ICA1L: variants seen among roughly 807,000 people sequenced by gnomAD.
ICA1L encodes islet cell autoantigen 1-like protein.
ICA1L carries 50 observed loss-of-function variants against 61.3 expected under a neutral mutation model. The observed-to-expected ratio is 0.82, with a 90% CI of 0.65 to 1.03. The LOEUF is 1.03. Among genes scored for constraint, ICA1L ranks in the 50% least tolerant of loss-of-function variants. The pLI is 0.00. For missense variants in ICA1L, 508 were observed against 556.7 expected (o/e 0.91, Z 0.88); for synonymous variants, 161 against 191.3 (o/e 0.84, Z 1.31).
chr2:202,852,807 T>C (rs1694666156), intron 1 of ICA1L, among the ~76,000 whole-genome samples: 1 of 150,696 alleles, frequency 6.6e-6, no homozygotes, highest in Non-Finnish European at 1.5e-5. Flanking sequence ...CATTTGCATT[T>C]CTCTGATGGC....
intron 5 of ICA1L, 62 bp downstream of exon 5, chr2:202,819,635 CTTAA>C (rs1693640569): frequency 1.7e-6 from 2 of 1,188,850 alleles, no homozygotes; most frequent in Non-Finnish European, 2.5e-6. Context: ...ATTTTATTAT[CTTAA>C]TTATTCTGTG....
chr2:202,835,311 T>C (rs1203031300), intron 1 of ICA1L, among the ~76,000 whole-genome samples: 1 of 149,422 alleles, frequency 6.7e-6, no homozygotes, highest in Non-Finnish European at 1.5e-5. Flanking sequence ...ATTCAAACAA[T>C]TCTCCTGCCT....
chr2:202,840,102 A>G (rs1574370080), intron 1 of ICA1L, among the ~76,000 whole-genome samples: 5 of 112,232 alleles, frequency 4.5e-5, no homozygotes, highest in Admixed American at 1.9e-4. Flanking sequence ...GAGCTAGCTG[A>G]GGTTTTATTT....
In ICA1L at chr2:202,862,272, C is replaced by CCAAAAAAAAAAAAAAAAAAA. The variant is rs1462555700; in HGVS notation, c.-8+9346_-8+9347insTTTTTTTTTTTTTTTTTTTG. Among the ~76,000 whole-genome samples the CCAAAAAAAAAAAAAAAAAAA allele has an allele frequency of 6.4e-5, 4 of 62,978 alleles. 1 individual carries two copies. Among genetic ancestry groups the CCAAAAAAAAAAAAAAAAAAA allele is most frequent in the Non-Finnish European group, 1.0e-4 (4 of 38,590 alleles). The allele number at this position is 62,978 out of a possible 152,430, so 41.3% of individuals were successfully genotyped here. ...GCAACACAGTAAGACCTCATTTCTA[C>CCAAAAAAAAAAAAAAAAAAA]AAAAAAAAAAAAAAAAAAAAAAAAA... On this transcript the variant is annotated intron_variant, in intron 1 of 12. Coordinates refer to ENST00000358299, the MANE Select transcript of ICA1L (RefSeq NM_001288622.3).
rs1692139972 is a variant in ICA1L at position 202,774,149 on chromosome 2, G to A, written c.*5384C>T. The A allele has an allele frequency of 1.3e-6, 2 of 1,506,410 alleles. No homozygotes were observed. Among genetic ancestry groups the A allele is most frequent in the Non-Finnish European group, 1.8e-6 (2 of 1,107,276 alleles). The allele number at this position is 1,506,410 out of a possible 1,614,324, so 93.3% of individuals were successfully genotyped here. A position where few individuals can be genotyped will look rare whatever the true frequency, so the allele number is the denominator to read the frequency against. ...CTCTTCATTAATCAATTCATTTGTTGATGCTTCATATCTGAGCGGCTTCTT... is the reference window on the plus strand; with the variant it reads ...CTCTTCATTAATCAATTCATTTGTTAATGCTTCATATCTGAGCGGCTTCTT... On this transcript the variant is annotated 3_prime_UTR_variant, in exon 13 of 13. Transcript: ENST00000358299.
rs1459860536 is a variant in ICA1L, at chr2:202,811,795, G to A, written c.867-6C>T. The A allele has an allele frequency of 3.1e-6, 5 of 1,593,204 alleles. No homozygotes were observed. The highest frequency in any genetic ancestry group is 1.7e-4 in the Middle Eastern group (1 of 5,996). Reference sequence around the variant, plus strand: ...CCTCATCAGACAAAACTAGCCTGAAGTAAAAACAAAAAAAAATGTAGATTT... The same window carrying A: ...CCTCATCAGACAAAACTAGCCTGAAATAAAAACAAAAAAAAATGTAGATTT... On this transcript the variant is annotated splice_polypyrimidine_tract_variant and splice_region_variant and intron_variant, in intron 8 of 12. Coordinates refer to ENST00000358299, the MANE Select transcript of ICA1L (RefSeq NM_001288622.3).
intron 1 of ICA1L, among the ~76,000 whole-genome samples, chr2:202,867,293 G>A (rs1038412321): frequency 1.1e-4 from 17 of 152,168 alleles, no homozygotes; most frequent in African/African-American, 4.1e-4. Flanking sequence ...GATATGTTCT[G>A]AGAAATGTGC....
intron 10 of ICA1L, among the ~76,000 whole-genome samples, chr2:202,790,616 A>C (rs1368365663): frequency 6.6e-6 from 1 of 152,136 alleles, no homozygotes; most frequent in Non-Finnish European, 1.5e-5. Flanking sequence ...CCTGTTGCTG[A>C]GGCTAAGTCC....
chr2:202,796,151 A>G (rs1403282387), intron 10 of ICA1L, among the ~76,000 whole-genome samples: 1 of 152,208 alleles, frequency 6.6e-6, no homozygotes, highest in Non-Finnish European at 1.5e-5. Flanking sequence ...TTCAAGACCT[A>G]AATGTAAAAA....
At position 202,871,456 on chromosome 2, in the gene ICA1L, G is replaced by A. The variant is rs190428180; in HGVS notation, c.-8+163C>T. On this transcript the variant is annotated intron_variant, in intron 1 of 12. Transcript: ENST00000358299. ...GGCCGGGGTCCCCCAGAGAACCGAGGAGGCCAGCAAGGCCCCGAGAAGCCG... is the reference window on the plus strand; with the variant it reads ...GGCCGGGGTCCCCCAGAGAACCGAGAAGGCCAGCAAGGCCCCGAGAAGCCG... 6.4e-4 allele frequency: 98 copies of A among 152,156 alleles called. 1 individual carries two copies. The highest frequency in any genetic ancestry group is 2.3e-3 in the African/African-American group (95 of 41,562). 9.4% of individuals were successfully genotyped at this position (152,156 alleles called of 1,614,324 possible).
intron 10 of ICA1L, among the ~76,000 whole-genome samples, chr2:202,795,471 T>C (rs1574332618): frequency 6.6e-6 from 1 of 152,122 alleles, no homozygotes; most frequent in East Asian, 1.9e-4. Flanking sequence ...GGCGGATGCC[T>C]GTAATCCCAG....
At chr2:202,799,946 C>T (rs915892841) in intron 9 of ICA1L, among the ~76,000 whole-genome samples, 5 of 150,170 alleles carry the variant, frequency 3.3e-5, no homozygotes, top group Non-Finnish European at 7.4e-5. Flanking sequence ...GGCACGATCT[C>T]GGCTCACTGC....
chr2:202,821,351 G>GTTAC lies in ICA1L; in HGVS notation c.359+6_359+7insGTAA. ...CAGATTCAAGATAATGAACAACCAT[G>GTTAC]GTAAACCTTTGCTTGGCTGAAGAAC... On this transcript the variant is annotated splice_region_variant and intron_variant, in intron 4 of 12. Transcript: ENST00000358299. The GTTAC allele has an allele frequency of 6.2e-7, 1 of 1,611,442 alleles. No homozygotes were observed. The highest frequency in any genetic ancestry group is 8.5e-7 in the Non-Finnish European group (1 of 1,179,186).
chr2:202,820,345 A>C (rs1693665261), intron 4 of ICA1L, among the ~76,000 whole-genome samples: 1 of 151,852 alleles, frequency 6.6e-6, no homozygotes, highest in African/African-American at 2.4e-5. Context: ...ACTGCACTCC[A>C]GCCTGGGCGA....
At chr2:202,866,675 C>T (rs768578126) in intron 1 of ICA1L, among the ~76,000 whole-genome samples, 6 of 152,196 alleles carry the variant, frequency 3.9e-5, no homozygotes, top group East Asian at 3.8e-4. Context: ...CGGCGAGGCG[C>T]GGTAGCTCAC....
intron 1 of ICA1L, among the ~76,000 whole-genome samples, chr2:202,859,326 A>G (rs1181559204): frequency 6.6e-6 from 1 of 152,228 alleles, no homozygotes; most frequent in Admixed American, 6.5e-5. Flanking sequence ...TGATTTGGTT[A>G]CTGAGATACT....
intron 8 of ICA1L, among the ~76,000 whole-genome samples, chr2:202,812,509 G>A (rs1417787799): frequency 4.6e-5 from 7 of 151,990 alleles, no homozygotes; most frequent in African/African-American, 1.7e-4. Flanking sequence ...CCTGGGAGGT[G>A]GAGGTTGCAG....
intron 9 of ICA1L, 146 bp from the exon 10 acceptor site, chr2:202,797,110 A>C: frequency 1.9e-6 from 1 of 519,898 alleles, no homozygotes; most frequent in Non-Finnish European, 3.4e-6. Flanking sequence ...AATTTAAATA[A>C]TCTTATATAT....
At chr2:202,838,393 A>G (rs770215649) in intron 1 of ICA1L, among the ~76,000 whole-genome samples, 3 of 152,176 alleles carry the variant, frequency 2.0e-5, no homozygotes, top group Non-Finnish European at 4.4e-5. Context: ...AAGAATTTGT[A>G]TTCTGTTAAT....
Sources: gnomAD v4.1 joint callset for allele counts (sites outside exome capture counted in the v4.1 genomes callset) on GRCh38, gnomAD v4.1.1 for gene constraint, MANE v1.5 for transcripts, NCBI Gene and HGNC (gene_info 2026-07-23, HGNC 2026-07-21) for gene names.